Variants in ACACA observed in about 807,000 individuals in gnomAD.
ACACA encodes acetyl-CoA carboxylase 1.
In ACACA, 103 loss-of-function variants were observed where a neutral mutation model predicts 296.1. The observed-to-expected ratio is 0.35, with a 90% confidence interval of 0.30 to 0.41. The LOEUF is 0.41. ACACA is among the 10% of genes least tolerant of loss of function. The pLI is 1.00. For synonymous variants in ACACA, 953 were observed against 1,038.6 expected (o/e 0.92, Z 1.58); for missense variants, 1,554 against 2,989.7 (o/e 0.52, Z 11.20).
chr17:37,296,320 T>G (rs1016379445), intron 3 of ACACA, among the ~76,000 whole-genome samples: 2 of 148,910 alleles, frequency 1.3e-5, no homozygotes, highest in Non-Finnish European at 3.0e-5. Context: ...TTTTTTTTTT[T>G]TTTGAGACAG....
chr17:37,244,685 C>A lies in ACACA; in HGVS notation c.2645G>T (p.Arg882Ile), dbSNP rs149367880. ...GAACACTCGATGGAGTTTCTCGCCT[C>A]TGAGTGCCGTGCTCTGGATCCGTGG... ...SLPRIQSTAL[R>I]GEKLHRVFHY... is the part of the protein sequence containing the mutation. The change falls in exon 21 of 56, where the codon AGA becomes ATA. Residue 882 changes from arginine (R) to isoleucine (I), a missense_variant. This residue lies in a region of ACACA where 316 missense variants were observed against 540.9 expected (regional missense o/e 0.58). Transcript: ENST00000616317. 6.2e-7 allele frequency: 1 copy of A among 1,614,202 alleles called. No individual in the cohort carries two copies. Among genetic ancestry groups the A allele is most frequent in the African/African-American group, 1.3e-5 (1 of 75,056 alleles).
intron 52 of ACACA, among the ~76,000 whole-genome samples, chr17:37,098,408 G>A (rs370855823): frequency 1.1e-4 from 16 of 152,336 alleles, no homozygotes; most frequent in African/African-American, 3.8e-4. Context: ...TCCACACGTG[G>A]GATGTGGTGA....
At chr17:37,198,029 T>C (rs559796155) in intron 35 of ACACA, among the ~76,000 whole-genome samples, 54 of 152,316 alleles carry the variant, frequency 3.5e-4, no homozygotes, top group Non-Finnish European at 5.4e-4. Flanking sequence ...ATTTTGCCTA[T>C]ACATGTCCCT....
rs761983052 is a variant in ACACA at position 37,247,991 on chromosome 17, GACCTC to G, written c.2309+15_2309+19del. On this transcript the variant is annotated intron_variant, in intron 18 of 55. Coordinates refer to ENST00000616317, the MANE Select transcript of ACACA (RefSeq NM_198834.3). ...AGGCTAACAGGATGACCAGCAAATG[GACCTC>G]AAACAGCCACTTACCTATCCACTTC... 2.2e-5 allele frequency: 36 copies of G among 1,613,558 alleles called. No homozygotes were observed. The highest frequency in any genetic ancestry group is 3.0e-5 in the Non-Finnish European group (35 of 1,179,978).
At chr17:37,256,681 A>T (rs2081243136) in intron 14 of ACACA, among the ~76,000 whole-genome samples, 1 of 152,170 alleles carries the variant, frequency 6.6e-6, no homozygotes, top group Admixed American at 6.5e-5. Flanking sequence ...TCAGTGAGCT[A>T]TGATGGCACC....
At chr17:37,119,443 T>G (rs567510582) in intron 50 of ACACA, among the ~76,000 whole-genome samples, 4 of 152,180 alleles carry the variant, frequency 2.6e-5, no homozygotes, top group Admixed American at 6.5e-5. Context: ...ACTAATTTAT[T>G]ATCTCGGTCA....
intron 1 of ACACA, chr17:37,379,458 C>T (rs2050149900): frequency 6.8e-7 from 1 of 1,478,738 alleles, no homozygotes; most frequent in Non-Finnish European, 9.1e-7. Context: ...AACTCCGTAG[C>T]AGGAAAAGCT....
chr17:37,387,375 C>G (rs1417988718), intron 1 of ACACA: 2 of 152,032 alleles, frequency 1.3e-5, no homozygotes, highest in Non-Finnish European at 2.9e-5. Flanking sequence ...GCCTCAGCCT[C>G]CCAAAGTGAT....
intron 3 of ACACA, among the ~76,000 whole-genome samples, chr17:37,302,081 G>A (rs906736109): frequency 1.3e-5 from 2 of 151,808 alleles, no homozygotes; most frequent in African/African-American, 4.8e-5. Flanking sequence ...GGGTTCAAGC[G>A]ATTCTCCTGC....
In ACACA at chr17:37,113,097, C is replaced by T. The variant is rs751992975; in HGVS notation, c.6443G>A (p.Arg2148Gln). The part of the protein sequence containing the change: ...NPRHMEMYAD[R>Q]ESRGSVLEPE... ...GTGGAAGGCACGCTACCTGCTTTCT[C>T]GGTCAGCATACATCTCCATGTGCCG... The change falls in exon 51 of 56, where the codon CGA becomes CAA. Residue 2148 changes from arginine to glutamine, a missense_variant. Physicochemically the swap from Arg to Gln is conservative, Grantham distance 43. Coordinates refer to ENST00000616317, the MANE Select transcript of ACACA (RefSeq NM_198834.3). This position sits in a 1 kb window ranked among gnomAD's most constrained non-coding sequence, Gnocchi z 4.0. The T allele has an allele frequency of 1.2e-5, 19 of 1,614,142 alleles. No individual in the cohort carries two copies. The highest frequency in any genetic ancestry group is 4.0e-5 in the African/African-American group (3 of 75,030).
chr17:37,133,067 G>T (rs1032728401), intron 45 of ACACA, among the ~76,000 whole-genome samples: 1 of 152,194 alleles, frequency 6.6e-6, no homozygotes, highest in Non-Finnish European at 1.5e-5. Context: ...CTGAGCTAAA[G>T]AAGTGTTTGT....
At chr17:37,333,732 G>GC (rs1449113261) in intron 2 of ACACA, among the ~76,000 whole-genome samples, 1 of 150,570 alleles carries the variant, frequency 6.6e-6, no homozygotes, top group African/African-American at 2.4e-5. Context: ...TGTGAAGTGT[G>GC]CCAAAGAAAT....
In ACACA at chr17:37,221,846, G is replaced by A. The variant is rs1164105423; in HGVS notation, c.3565-4C>T. ...TATAAGCCCTTCGAACATACACCTG[G>A]TTCAAAAGAAACCCTCAGTAAATAA... is the stretch of plus-strand genomic sequence containing the variant. On this transcript the variant is annotated splice_region_variant and splice_polypyrimidine_tract_variant and intron_variant, in intron 28 of 55. Coordinates refer to ENST00000616317, the MANE Select transcript of ACACA (RefSeq NM_198834.3). 1 of 1,605,054 alleles carries A rather than the reference G, an allele frequency of 6.2e-7. No individual in the cohort carries two copies. The highest frequency in any genetic ancestry group is 8.5e-7 in the Non-Finnish European group (1 of 1,171,868).
In ACACA at chr17:37,385,909, T is replaced by C. The variant is rs1251485475; in HGVS notation, c.38+20353A>G. On this transcript the variant is annotated intron_variant, in intron 1 of 55. Coordinates refer to ENST00000616317, the MANE Select transcript of ACACA (RefSeq NM_198834.3). ...GACAGACAGGTTAATGGGACCACAATTGGAAGTTTACTATCAGCTGGGCAG... is the reference window on the plus strand; with the variant it reads ...GACAGACAGGTTAATGGGACCACAACTGGAAGTTTACTATCAGCTGGGCAG... The C allele has an allele frequency of 7.9e-6, 6 of 759,800 alleles. No homozygotes were observed. In the Admixed American group the frequency reaches 8.2e-5, roughly 10 times the overall value. The allele number at this position is 759,800 out of a possible 1,614,324, so 47.1% of individuals were successfully genotyped here.
At chr17:37,215,422 T>A (rs2078938114) in intron 29 of ACACA, among the ~76,000 whole-genome samples, 1 of 152,208 alleles carries the variant, frequency 6.6e-6, no homozygotes, top group Non-Finnish European at 1.5e-5. Context: ...CACTAGCGTA[T>A]ATTAATTATA....
chr17:37,254,392 G>C (rs2081131716), intron 14 of ACACA, among the ~76,000 whole-genome samples: 1 of 152,092 alleles, frequency 6.6e-6, no homozygotes, highest in Admixed American at 6.6e-5. Flanking sequence ...CCTCCTTTCT[G>C]TGTCCTCCTT....
chr17:37,247,044 T>C, intron 18 of ACACA, 68 bp from the exon 19 acceptor site: 1 of 1,582,998 alleles, frequency 6.3e-7, no homozygotes, highest in Non-Finnish European at 8.7e-7. Context: ...TGGTAGAGAA[T>C]GTCAACCTTC....
At chr17:37,088,032 C>A (rs760652430) in intron 55 of ACACA, among the ~76,000 whole-genome samples, 2 of 152,114 alleles carry the variant, frequency 1.3e-5, no homozygotes, top group Admixed American at 1.3e-4. Context: ...TCTTGACCAG[C>A]GGATGAAATT....
intron 41 of ACACA, among the ~76,000 whole-genome samples, chr17:37,162,322 C>T (rs890531976): frequency 6.6e-6 from 1 of 152,154 alleles, no homozygotes; most frequent in African/African-American, 2.4e-5. Flanking sequence ...AATCTAAATG[C>T]ACTCAGGATA....
Sources: gnomAD v4.1 joint callset for allele counts (sites outside exome capture counted in the v4.1 genomes callset) on GRCh38, gnomAD v4.1.1 for gene constraint, gnomAD v4.1.1 regional missense constraint, Gnocchi (gnomAD v3.1) non-coding constraint, MANE v1.5 for transcripts, NCBI Gene and HGNC (gene_info 2026-07-23, HGNC 2026-07-21) for gene names.